The following RBFOX1 variants were observed in gnomAD, a reference collection of about 807,000 sequenced individuals.
RBFOX1 encodes RNA binding protein fox-1 homolog 1.
Under a neutral mutation model 57.7 loss-of-function variants are expected in RBFOX1, and 8 were observed. That is an observed-to-expected ratio of 0.14 (90% CI 0.08 to 0.25). RBFOX1 has a LOEUF of 0.25. Ranked by LOEUF, RBFOX1 falls within the 10% of genes least tolerant of loss-of-function variation. The pLI, the probability that RBFOX1 is intolerant of heterozygous loss-of-function variation, is 1.00. For missense variants in RBFOX1, 611 were observed against 548.5 expected, an observed-to-expected ratio of 1.11 and a Z score of -1.14; for synonymous variants, 326 against 222.4, an observed-to-expected ratio of 1.47 and a Z score of -4.15.
At chr16:7,602,158 C>T (rs1212845858) in intron 9 of RBFOX1, among the ~76,000 whole-genome samples, 3 of 152,172 alleles carry the variant, frequency 2.0e-5, no homozygotes, top group Non-Finnish European at 4.4e-5. Flanking sequence ...CAGACTTGGC[C>T]TTTTAACACC....
chr16:7,352,086 T>C (rs562704391), intron 4 of RBFOX1, among the ~76,000 whole-genome samples: 8 of 152,248 alleles, frequency 5.3e-5, no homozygotes, highest in African/African-American at 1.7e-4. Context: ...GGTCTTGCAA[T>C]TGCGGGGTGT....
rs564963855 is a variant in RBFOX1 at position 7,045,652 on chromosome 16, C to CT, written c.-15-6394dup. On this transcript the variant is annotated intron_variant, in intron 3 of 15. Transcript: ENST00000550418. ...TTAAAAATATTAATCTTGTTATATA[C>CT]TTTTTTTTTTTCAATAGAGCGAGAC... 3.3e-3 allele frequency among the ~76,000 whole-genome samples: 482 copies of CT among 143,970 alleles called. 2 individuals are homozygous for CT. The highest frequency in any genetic ancestry group is 0.011 in the African/African-American group (419 of 37,722). 94.4% of individuals were successfully genotyped at this position (143,970 alleles called of 152,430 possible).
intron 4 of RBFOX1, among the ~76,000 whole-genome samples, chr16:7,206,605 C>A (rs775177925): frequency 1.3e-5 from 2 of 151,952 alleles, no homozygotes; most frequent in Non-Finnish European, 2.9e-5. Context: ...CCAGTCATAT[C>A]GTACTCAAGT....
At chr16:5,965,067 A>G (rs916463969) in intron 4 of RBFOX1, among the ~76,000 whole-genome samples, 6 of 152,188 alleles carry the variant, frequency 3.9e-5, no homozygotes, top group Non-Finnish European at 5.9e-5. Context: ...TATCACTTAT[A>G]CGTAGAATCT....
chr16:5,846,197 A>AG (rs2056753264), intron 3 of RBFOX1, among the ~76,000 whole-genome samples: 1 of 151,344 alleles, frequency 6.6e-6, no homozygotes, highest in Non-Finnish European at 1.5e-5. Context: ...AAAAAAAAAA[A>AG]GAATTTAGTG....
chr16:6,426,527 A>G (rs970190533), intron 2 of RBFOX1, among the ~76,000 whole-genome samples: 1 of 152,056 alleles, frequency 6.6e-6, no homozygotes. Context: ...GCTACCTGGG[A>G]GGCCGAGGTG....
At chr16:5,579,773 T>TC (rs945481421) in intron 2 of RBFOX1, among the ~76,000 whole-genome samples, 3 of 151,512 alleles carry the variant, frequency 2.0e-5, no homozygotes, top group African/African-American at 7.3e-5. Flanking sequence ...TTTTTTTTTT[T>TC]CCTTGAGAAG....
intron 4 of RBFOX1, among the ~76,000 whole-genome samples, chr16:7,403,064 C>G (rs1228222790): frequency 2.0e-5 from 3 of 152,206 alleles, no homozygotes; most frequent in African/African-American, 4.8e-5. Context: ...CCTGGATTAT[C>G]TGACCACTTC....
At chr16:6,884,215 G>C (rs1295915283) in intron 3 of RBFOX1, among the ~76,000 whole-genome samples, 1 of 152,198 alleles carries the variant, frequency 6.6e-6, no homozygotes, top group African/African-American at 2.4e-5. Flanking sequence ...TGTGCAGTCA[G>C]CCATGCTGCA....
At chr16:5,670,500 A>G (rs1221035238) in intron 3 of RBFOX1, among the ~76,000 whole-genome samples, 1 of 152,236 alleles carries the variant, frequency 6.6e-6, no homozygotes, top group Non-Finnish European at 1.5e-5. Context: ...ATATGGGAAC[A>G]TATGCCTTTG....
chr16:6,966,933 A>T (rs2084373733), intron 3 of RBFOX1, among the ~76,000 whole-genome samples: 1 of 148,526 alleles, frequency 6.7e-6, no homozygotes, highest in African/African-American at 2.6e-5. Context: ...CCATCCATCC[A>T]TCCATTGGCC....
chr16:7,671,074 G>C lies in RBFOX1; in HGVS notation c.931-5700G>C, dbSNP rs1255424054. 3.3e-5 allele frequency among the ~76,000 whole-genome samples: 5 copies of C among 152,142 alleles called. No individual in the cohort carries two copies. The East Asian group carries it at 7.7e-4, about 23-fold the overall frequency. ...TCATGAATTCATGAACTGCAATTTT[G>C]CTGTTAGTTGAAATTAATTTAACAA... On this transcript the variant is annotated intron_variant, in intron 13 of 15. Coordinates refer to ENST00000550418, the MANE Select transcript of RBFOX1 (RefSeq NM_018723.4).
chr16:5,277,676 C>T (rs1002438662), intron 1 of RBFOX1, among the ~76,000 whole-genome samples: 4 of 152,166 alleles, frequency 2.6e-5, no homozygotes, highest in African/African-American at 4.8e-5. Context: ...ATCCCTGACC[C>T]TACTGACCTG....
intron 2 of RBFOX1, among the ~76,000 whole-genome samples, chr16:5,579,778 G>A: frequency 7.1e-6 from 1 of 141,264 alleles, no homozygotes; most frequent in South Asian, 2.2e-4. Flanking sequence ...TTTTTTCCTT[G>A]AGAAGGAGTC....
intron 1 of RBFOX1, among the ~76,000 whole-genome samples, chr16:6,163,945 T>C (rs2096897592): frequency 6.6e-6 from 1 of 152,228 alleles, no homozygotes; most frequent in Non-Finnish European, 1.5e-5. Flanking sequence ...TGTGATGTTA[T>C]GGGATACATA....
chr16:5,571,562 T>A (rs1233702672), intron 2 of RBFOX1, among the ~76,000 whole-genome samples: 1 of 152,290 alleles, frequency 6.6e-6, no homozygotes, highest in East Asian at 1.9e-4. Flanking sequence ...CTGTTTATCA[T>A]GAACTCACAT....
At chr16:7,376,943 A>G (rs1321359235) in intron 4 of RBFOX1, among the ~76,000 whole-genome samples, 4 of 152,182 alleles carry the variant, frequency 2.6e-5, no homozygotes, top group Admixed American at 6.5e-5. Context: ...CTGGCCTCAT[A>G]CAAGAGGTAA....
At chr16:7,156,415 G>A (rs544785024) in intron 4 of RBFOX1, among the ~76,000 whole-genome samples, 31 of 151,486 alleles carry the variant, frequency 2.0e-4, no homozygotes, top group Non-Finnish European at 2.8e-4. Context: ...ATATGTGTGC[G>A]TATAGTTGTA....
rs546943230 is a variant in RBFOX1 at position 7,381,501 on chromosome 16, C to G, written c.28-136646C>G. ...AAAATGGGTTCATACATCGTTCCCC[C>G]CCGCCTTTTTTTTTTATTTTATTAA... On this transcript the variant is annotated intron_variant, in intron 4 of 15. Transcript: ENST00000550418. Among the ~76,000 whole-genome samples, 8 of 151,736 alleles carry G rather than the reference C, an allele frequency of 5.3e-5. No homozygotes were observed. The East Asian group carries it at 1.2e-3, about 22-fold the overall frequency.
Sources: gnomAD v4.1 joint callset for allele counts (sites outside exome capture counted in the v4.1 genomes callset) on GRCh38, gnomAD v4.1.1 for gene constraint, MANE v1.5 for transcripts, NCBI Gene and HGNC (gene_info 2026-07-23, HGNC 2026-07-21) for gene names.